GFAP: variants seen among roughly 807,000 people sequenced by gnomAD.
The protein encoded by GFAP is intermediate filament protein.
Under a neutral mutation model 49.3 loss-of-function variants are expected in GFAP, and 38 were observed. The observed-to-expected ratio is 0.77, with a 90% CI of 0.60 to 1.01. The LOEUF is 1.01. GFAP is among the 50% of genes least tolerant of loss of function. The pLI is 0.00. For synonymous variants in GFAP, 222 were observed against 236.4 expected (o/e 0.94, Z 0.56); for missense variants, 463 against 579.1 (o/e 0.80, Z 2.06).
At position 44,905,246 on chromosome 17, in the gene GFAP, G is replaced by A. The variant is rs1485682040; in HGVS notation, c.*2101C>T. 1.1e-5 allele frequency: 7 copies of A among 610,514 alleles called. No individual in the cohort carries two copies. Among genetic ancestry groups the A allele is most frequent in the Non-Finnish European group, 2.1e-5 (7 of 339,514 alleles). 37.8% of individuals were successfully genotyped at this position (610,514 alleles called of 1,614,324 possible). A position where few individuals can be genotyped will look rare whatever the true frequency, so the allele number is the denominator to read the frequency against. On this transcript the variant is annotated 3_prime_UTR_variant, in exon 9 of 9. Coordinates refer to ENST00000588735, the MANE Select transcript of GFAP (RefSeq NM_002055.5). ...TCTGGGACCTGATCTGAGAAGTGGAGGGGCCTGAGGCTGGTGGGAGATTGG... is the reference window on the plus strand; with the variant it reads ...TCTGGGACCTGATCTGAGAAGTGGAAGGGCCTGAGGCTGGTGGGAGATTGG...
Position 44,904,572 on chromosome 17 carries a change from C to T in GFAP, c.*2775G>A. 6.4e-7 allele frequency: 1 copy of T among 1,550,576 alleles called. No homozygotes were observed. The highest frequency in any genetic ancestry group is 2.4e-5 in the East Asian group (1 of 40,924). ...TTAGTACCCTGTGAGAAGACAAAGA[C>T]CATCCGGGAGGGCGTGCTGGCCATC... On this transcript the variant is annotated 3_prime_UTR_variant, in exon 9 of 9. Transcript: ENST00000588735.
intron 3 of GFAP, 25 bp from the exon 4 acceptor site, chr17:44,913,455 C>T: frequency 6.2e-7 from 1 of 1,605,220 alleles, no homozygotes; most frequent in Non-Finnish European, 8.5e-7. Flanking sequence ...AGAAGCGGTA[C>T]CAGGGCTCAG....
At position 44,903,164 on chromosome 17, in the gene GFAP, G is replaced by C. The variant is rs912080757; in HGVS notation, c.*4183C>G. ...CCAGTTACAGCCTCCACTCATAAAA[G>C]GGAAAAAGCAAAATCTTTATGGTAA... On this transcript the variant is annotated 3_prime_UTR_variant, in exon 9 of 9. Transcript: ENST00000588735. 1.6e-5 allele frequency: 20 copies of C among 1,265,062 alleles called. No homozygotes were observed. The highest frequency in any genetic ancestry group is 2.0e-5 in the Non-Finnish European group (20 of 1,007,216). 78.4% of individuals were successfully genotyped at this position (1,265,062 alleles called of 1,614,324 possible). A position where few individuals can be genotyped will look rare whatever the true frequency, so the allele number is the denominator to read the frequency against.
At position 44,913,678 on chromosome 17, in the gene GFAP, C is replaced by G. The variant is rs368328448; in HGVS notation, c.618+50G>C. 24 of 1,357,014 alleles carry G rather than the reference C, an allele frequency of 1.8e-5. No homozygotes were observed. In the African/African-American group the frequency reaches 3.4e-4, roughly 19 times the overall value. 84.1% of individuals were successfully genotyped at this position (1,357,014 alleles called of 1,614,324 possible). A position where few individuals can be genotyped will look rare whatever the true frequency, so the allele number is the denominator to read the frequency against. On this transcript the variant is annotated intron_variant, in intron 3 of 8. Transcript: ENST00000588735. ...CTTCTCTGTCTCTGTCTCTCCCTCTCTCAGTTGCAATCTCTGTGTTGAGCT... is the reference window on the plus strand; with the variant it reads ...CTTCTCTGTCTCTGTCTCTCCCTCTGTCAGTTGCAATCTCTGTGTTGAGCT...
rs2051639525 is a variant in GFAP at position 44,905,372 on chromosome 17, T to C, written c.*1975A>G. On this transcript the variant is annotated 3_prime_UTR_variant, in exon 9 of 9. Coordinates refer to ENST00000588735, the MANE Select transcript of GFAP (RefSeq NM_002055.5). ...CTCAGATTTATCCAGTGGTAAACAC[T>C]GATCAGTGTTGAATCATGTTTGAGC... The C allele has an allele frequency of 2.7e-6, 1 of 368,604 alleles. No homozygotes were observed. The highest frequency in any genetic ancestry group is 3.9e-5 in the South Asian group (1 of 25,956). 22.8% of individuals were successfully genotyped at this position (368,604 alleles called of 1,614,324 possible). A position where few individuals can be genotyped will look rare whatever the true frequency, so the allele number is the denominator to read the frequency against.
At position 44,903,217 on chromosome 17, in the gene GFAP, CA is replaced by C; in HGVS notation, c.*4129del. On this transcript the variant is annotated 3_prime_UTR_variant, in exon 9 of 9. Coordinates refer to ENST00000588735, the MANE Select transcript of GFAP (RefSeq NM_002055.5). ...AAACACTGATCTCCACAGCTCTTAA[CA>C]AGAATGTTTATAGCCCCAAACCAAT... is the stretch of plus-strand genomic sequence containing the variant. The C allele has an allele frequency of 7.9e-7, 1 of 1,258,592 alleles. No homozygotes were observed. The highest frequency in any genetic ancestry group is 1.0e-6 in the Non-Finnish European group (1 of 1,003,370). The allele number at this position is 1,258,592 out of a possible 1,614,324, so 78.0% of individuals were successfully genotyped here.
chr17:44,911,625 G>A (rs1479790722), intron 5 of GFAP, 47 bp downstream of exon 5: 1 of 1,603,198 alleles, frequency 6.2e-7, no homozygotes, highest in Non-Finnish European at 8.5e-7. Flanking sequence ...CTCCTGGGGT[G>A]GCCGTCCCTG....
intron 6 of GFAP, 115 bp downstream of exon 6, chr17:44,911,121 G>A (rs2051751480): frequency 1.1e-6 from 1 of 901,804 alleles, no homozygotes; most frequent in Admixed American, 1.8e-5. Flanking sequence ...TGGGCATTGA[G>A]GTGGGAAGGG....
At position 44,903,557 on chromosome 17, in the gene GFAP, G is replaced by A; in HGVS notation, c.*3790C>T. The A allele has an allele frequency of 7.3e-7, 1 of 1,377,096 alleles. No homozygotes were observed. The highest frequency in any genetic ancestry group is 9.3e-7 in the Non-Finnish European group (1 of 1,072,342). The allele number at this position is 1,377,096 out of a possible 1,614,324, so 85.3% of individuals were successfully genotyped here. On this transcript the variant is annotated 3_prime_UTR_variant, in exon 9 of 9. Coordinates refer to ENST00000588735, the MANE Select transcript of GFAP (RefSeq NM_002055.5). ...GACCCATTCTTGGGTGAGCGCCAGTGTTCTAGAAAGGGGAGTAAAGGCCAG... is the reference window on the plus strand; with the variant it reads ...GACCCATTCTTGGGTGAGCGCCAGTATTCTAGAAAGGGGAGTAAAGGCCAG...
rs376829639 is a variant in GFAP, at chr17:44,913,666, G to C, written c.618+62C>G. ...TCTCAGTCTCAGCTTCTCTGTCTCT[G>C]TCTCTCCCTCTCTCAGTTGCAATCT... On this transcript the variant is annotated intron_variant, in intron 3 of 8. Transcript: ENST00000588735. The C allele has an allele frequency of 3.4e-4, 431 of 1,272,236 alleles. 4 individuals are homozygous for C. In the South Asian group the frequency reaches 4.8e-3, roughly 14 times the overall value. 78.8% of individuals were successfully genotyped at this position (1,272,236 alleles called of 1,614,324 possible). A position where few individuals can be genotyped will look rare whatever the true frequency, so the allele number is the denominator to read the frequency against.
At chr17:44,913,199 TC>T in intron 4 of GFAP, 69 bp downstream of exon 4, 2 of 1,445,236 alleles carry the variant, frequency 1.4e-6, no homozygotes, top group Non-Finnish European at 9.7e-7. Context: ...CCACCCTCCT[TC>T]CCCCATTCTC....
At chr17:44,907,863 G>A (rs763788414) in intron 8 of GFAP, 2 of 675,352 alleles carry the variant, frequency 3.0e-6, no homozygotes, top group Admixed American at 2.1e-5. Flanking sequence ...TTGGTACCAA[G>A]GCTCCCCTTA....
In GFAP at chr17:44,914,480, C is replaced by T. The variant is rs115174467; in HGVS notation, c.462-392G>A. ...GGATTCCTCTGATCCCAGGTAACCACCTTTTGAAATGAATTTTATTATGAC... is the reference window on the plus strand; with the variant it reads ...GGATTCCTCTGATCCCAGGTAACCATCTTTTGAAATGAATTTTATTATGAC... On this transcript the variant is annotated intron_variant, in intron 1 of 8. Coordinates refer to ENST00000588735, the MANE Select transcript of GFAP (RefSeq NM_002055.5). 1,988 of 244,664 alleles carry T rather than the reference C, an allele frequency of 8.1e-3. 34 individuals are homozygous for T. The highest frequency in any genetic ancestry group is 0.039 in the African/African-American group (1,738 of 44,280). 15.2% of individuals were successfully genotyped at this position (244,664 alleles called of 1,614,324 possible).
intron 4 of GFAP, 48 bp downstream of exon 4, chr17:44,913,221 C>T (rs1166190686): frequency 6.3e-7 from 1 of 1,581,258 alleles, no homozygotes; most frequent in Admixed American, 1.7e-5. Flanking sequence ...TTGTACAGAG[C>T]AAGAAGGGCT....
chr17:44,904,863 G>T lies in GFAP; in HGVS notation c.*2484C>A, dbSNP rs1383310508. ...CTGGATGACCGGGGCATCTACTATT[G>T]CTGGAGGCAGGGTGTGCTAGTTGCT... On this transcript the variant is annotated 3_prime_UTR_variant, in exon 9 of 9. Coordinates refer to ENST00000588735, the MANE Select transcript of GFAP (RefSeq NM_002055.5). 3.2e-6 allele frequency: 5 copies of T among 1,550,654 alleles called. No individual in the cohort carries two copies. Among genetic ancestry groups the T allele is most frequent in the Non-Finnish European group, 4.4e-6 (5 of 1,146,976 alleles).
At position 44,908,141 on chromosome 17, in the gene GFAP, G is replaced by A. The variant is rs1258958937; in HGVS notation, c.1180C>T (p.Leu394=). The change falls in exon 8 of 9, where the codon CTG becomes TTG. Residue 394 remains leucine (L), a synonymous_variant. Transcript: ENST00000588735. Reference sequence around the variant, plus strand: ...CCTTCTGACACAGACTTGGTGTCCAGGCTGGTTTCTGCAGATGTGGGGAGA... The same window carrying A: ...CCTTCTGACACAGACTTGGTGTCCAAGCTGGTTTCTGCAGATGTGGGGAGA... ...FSNLQIRETS[L]DTKSVSEGHL... is the part of the protein sequence containing the mutation. The A allele has an allele frequency of 1.2e-6, 2 of 1,608,348 alleles. No homozygotes were observed. The highest frequency in any genetic ancestry group is 1.7e-6 in the Non-Finnish European group (2 of 1,175,098).
rs2051821878 is a variant in GFAP, at chr17:44,913,435, C to A, written c.619-5G>T. On this transcript the variant is annotated splice_polypyrimidine_tract_variant and splice_region_variant and intron_variant, in intron 3 of 8. Coordinates refer to ENST00000588735, the MANE Select transcript of GFAP (RefSeq NM_002055.5). ...CTCCTGGAGTTCCCGAACCTCCTGA[C>A]CAGGGTGAGAGAAGCGGTACCAGGG... 8 of 1,613,836 alleles carry A rather than the reference C, an allele frequency of 5.0e-6. No individual in the cohort carries two copies. Among genetic ancestry groups the A allele is most frequent in the Non-Finnish European group, 6.8e-6 (8 of 1,179,916 alleles).
chr17:44,908,000 A>ATGGCC (rs1277568233), intron 8 of GFAP, 64 bp downstream of exon 8: 1 of 1,135,972 alleles, frequency 8.8e-7, no homozygotes, highest in East Asian at 2.3e-5. Context: ...GCTTTCCTCC[A>ATGGCC]TGGCCTGGCC....
chr17:44,907,728 C>T, intron 8 of GFAP: 2 of 548,446 alleles, frequency 3.6e-6, no homozygotes, highest in Non-Finnish European at 6.6e-6. Context: ...CCATCCCCAA[C>T]TGTGTCTGCT....
Sources: allele counts gnomAD v4.1 joint callset, GRCh38; gene constraint gnomAD v4.1.1; transcripts MANE v1.5; gene names NCBI Gene and HGNC (gene_info 2026-07-23, HGNC 2026-07-21).